Variants in CHD8 observed in about 807,000 individuals in gnomAD.
CHD8 encodes the protein chromodomain helicase DNA binding protein 8, also known as ATP-dependent chromatin remodeler CHD8.
A neutral mutation model predicts 279.2 loss-of-function variants in CHD8; 31 were observed. The observed-to-expected ratio is 0.11, with a 90% CI of 0.08 to 0.15. The LOEUF (loss-of-function observed/expected upper bound fraction) is 0.15, where lower values mean the gene tolerates loss of function less well. Ranked by LOEUF, CHD8 falls within the 10% of genes least tolerant of loss-of-function variation. CHD8 has a pLI of 1.00. For synonymous variants in CHD8, 1,081 were observed against 1,139.6 expected (o/e 0.95, Z 1.04); for missense variants, 2,146 against 3,230.5 (o/e 0.66, Z 8.14).
intron 5 of CHD8, among the ~76,000 whole-genome samples, chr14:21,424,753 G>A (rs1889230878): frequency 6.6e-6 from 1 of 152,192 alleles, no homozygotes; most frequent in Non-Finnish European, 1.5e-5. Context: ...TTACAGGCGG[G>A]AGCTACCGCG....
chr14:21,390,229 A>G (rs547226987), intron 37 of CHD8, among the ~76,000 whole-genome samples: 71 of 152,190 alleles, frequency 4.7e-4, no homozygotes, highest in Non-Finnish European at 8.8e-4. Flanking sequence ...GAGTGAGACC[A>G]TGTCTCAAAA....
At position 21,400,903 on chromosome 14, in the gene CHD8, G is replaced by A. The variant is rs759526072; in HGVS notation, c.4342C>T (p.Arg1448Trp). 3.7e-6 allele frequency: 6 copies of A among 1,612,582 alleles called. No homozygotes were observed. The highest frequency in any genetic ancestry group is 5.1e-6 in the Non-Finnish European group (6 of 1,179,332). The change falls in exon 22 of 38, where the codon CGG (arginine) becomes TGG (tryptophan). Residue 1448 changes from arginine (R) to tryptophan (W), a missense_variant. Coordinates refer to ENST00000646647, the MANE Select transcript of CHD8 (RefSeq NM_001170629.2). This position sits in a 1 kb window ranked among gnomAD's most constrained non-coding sequence, Gnocchi z 4.2. The part of the protein sequence containing the change: ...HHAYGRTDCF[R>W]VEKHLLVYGW... Reference sequence around the variant, plus strand: ...TATACCAGGAGATGCTTTTCCACCCGAAAGCAGTCAGTGCGCCCATAGGCA... The same window carrying A: ...TATACCAGGAGATGCTTTTCCACCCAAAAGCAGTCAGTGCGCCCATAGGCA...
rs367717613 is a variant in CHD8 at position 21,398,340 on chromosome 14, C to T, written c.4922-388G>A. Reference sequence around the variant, plus strand: ...CTGCAAGCTCTGCCTTCCAGGTTCACGCCATTCTCCTGCCTCAGCCTCCTG... The same window carrying T: ...CTGCAAGCTCTGCCTTCCAGGTTCATGCCATTCTCCTGCCTCAGCCTCCTG... On this transcript the variant is annotated intron_variant, in intron 26 of 37. Transcript: ENST00000646647. 1.6e-3 allele frequency: 250 copies of T among 153,130 alleles called. 9 individuals carry two copies. In the South Asian group the frequency reaches 0.046, roughly 28 times the overall value. The allele number at this position is 153,130 out of a possible 1,614,324, so 9.5% of individuals were successfully genotyped here.
In CHD8 at chr14:21,408,655, A is replaced by C. The variant is rs370058933; in HGVS notation, c.2486+49T>G. The C allele has an allele frequency of 5.7e-6, 9 of 1,578,206 alleles. No individual in the cohort carries two copies. The highest frequency in any genetic ancestry group is 6.9e-6 in the Non-Finnish European group (8 of 1,163,574). On this transcript the variant is annotated intron_variant, in intron 12 of 37. Transcript: ENST00000646647. The surrounding 1 kb of genome is among the most constrained non-coding windows in gnomAD (Gnocchi z 4.3). The stretch of plus-strand genomic sequence containing the variant: ...ATTGTTTCAATAGAAAACAAATAAA[A>C]ATAATCCCAGAACTAAGCTTACATC...
rs1887858916 is a variant in CHD8 at position 21,397,912 on chromosome 14, T to C, written c.4962A>G (p.Leu1654=). The change falls in exon 27 of 38, where the codon TTA becomes TTG. Residue 1654 remains leucine, a synonymous_variant. Transcript: ENST00000646647. ...KYNTMRADPA[L]CFLEKAGRPD... is the part of the protein sequence containing the mutation. ...GTCGGCCAGCCTTTTCTAGGAAACA[T>C]AAGGCTGGGTCTGCCCTCATGGTAT... 1.2e-6 allele frequency: 2 copies of C among 1,611,436 alleles called. No individual in the cohort carries two copies. The highest frequency in any genetic ancestry group is 1.7e-6 in the Non-Finnish European group (2 of 1,178,556).
In CHD8 at chr14:21,415,709, T is replaced by C; in HGVS notation, c.1899+16A>G. ...AGCAAGGCAATCCTCTGAAATCATT[T>C]GAGTTTACAGCTTACCACAAAGAAC... On this transcript the variant is annotated intron_variant, in intron 6 of 37. Transcript: ENST00000646647. 1.2e-6 allele frequency: 2 copies of C among 1,613,226 alleles called. No individual in the cohort carries two copies. The highest frequency in any genetic ancestry group is 1.7e-6 in the Non-Finnish European group (2 of 1,179,456).
At position 21,400,358 on chromosome 14, in the gene CHD8, T is replaced by C. The variant is rs773697396; in HGVS notation, c.4571-51A>G. On this transcript the variant is annotated intron_variant, in intron 23 of 37. Coordinates refer to ENST00000646647, the MANE Select transcript of CHD8 (RefSeq NM_001170629.2). The surrounding 1 kb of genome is among the most constrained non-coding windows in gnomAD (Gnocchi z 4.2). ...TTGGATTGAGAAAAACCCTTGGACC[T>C]GAAAAGGATTAGATTAACCTATAGA... is the stretch of plus-strand genomic sequence containing the variant. 1 of 1,608,350 alleles carries C rather than the reference T, an allele frequency of 6.2e-7. No homozygotes were observed. The highest frequency in any genetic ancestry group is 1.3e-5 in the African/African-American group (1 of 74,472).
At position 21,400,338 on chromosome 14, in the gene CHD8, T is replaced by C. The variant is rs2061436157; in HGVS notation, c.4571-31A>G. 7 of 1,612,078 alleles carry C rather than the reference T, an allele frequency of 4.3e-6. No homozygotes were observed. Among genetic ancestry groups the C allele is most frequent in the South Asian group, 3.3e-5 (3 of 90,776 alleles). On this transcript the variant is annotated intron_variant, in intron 23 of 37. Coordinates refer to ENST00000646647, the MANE Select transcript of CHD8 (RefSeq NM_001170629.2). This position sits in a 1 kb window ranked among gnomAD's most constrained non-coding sequence, Gnocchi z 4.2. ...AAAGGGGAGACATCAAAGACTTGGATTGAGAAAAACCCTTGGACCTGAAAA... is the reference window on the plus strand; with the variant it reads ...AAAGGGGAGACATCAAAGACTTGGACTGAGAAAAACCCTTGGACCTGAAAA...
intron 1 of CHD8, among the ~76,000 whole-genome samples, chr14:21,453,193 A>G (rs1266425825): frequency 2.6e-5 from 4 of 151,542 alleles, no homozygotes; most frequent in African/African-American, 4.9e-5. Flanking sequence ...TACCAAAGAA[A>G]GACCACATCT....
In CHD8 at chr14:21,435,931, C is replaced by G. The variant is rs1889763668; in HGVS notation, c.-215-4073G>C. Among the ~76,000 whole-genome samples, 3 of 152,272 alleles carry G rather than the reference C, an allele frequency of 2.0e-5. No homozygotes were observed. In the South Asian group the frequency reaches 6.2e-4, roughly 32 times the overall value. On this transcript the variant is annotated intron_variant, in intron 1 of 37. Coordinates refer to ENST00000646647, the MANE Select transcript of CHD8 (RefSeq NM_001170629.2). ...CTATAGCCTCTCAAAAGGAGTTTAT[C>G]ATCATTTACTGTTTATGATGGATGA...
At chr14:21,423,080 C>T (rs1220255808) in intron 5 of CHD8, among the ~76,000 whole-genome samples, 3 of 151,966 alleles carry the variant, frequency 2.0e-5, no homozygotes, top group African/African-American at 4.8e-5. Context: ...ATTAGCTGGG[C>T]GTGGTGGCGC....
intron 1 of CHD8, among the ~76,000 whole-genome samples, chr14:21,439,846 T>G (rs1447030167): frequency 6.6e-6 from 1 of 152,250 alleles, no homozygotes; most frequent in East Asian, 1.9e-4. Context: ...AATCTGAGCC[T>G]AATATTGCTG....
At chr14:21,413,395 C>A (rs924045668) in intron 9 of CHD8, among the ~76,000 whole-genome samples, 2 of 141,296 alleles carry the variant, frequency 1.4e-5, no homozygotes, top group Admixed American at 1.4e-4. Flanking sequence ...ATACCTAAAC[C>A]TTTTTTTTTT....
intron 1 of CHD8, among the ~76,000 whole-genome samples, chr14:21,454,185 A>C (rs1182790743): frequency 6.8e-6 from 1 of 148,092 alleles, no homozygotes; most frequent in African/African-American, 2.6e-5. Flanking sequence ...AAGAAAAGAA[A>C]AGAAAAGAAA....
rs954857843 is a variant in CHD8 at position 21,392,245 on chromosome 14, T to A, written c.6771+262A>T. The A allele has an allele frequency of 7.9e-6, 6 of 757,058 alleles. No individual in the cohort carries two copies. The Middle Eastern group carries it at 1.1e-3, about 144-fold the overall frequency. 46.9% of individuals were successfully genotyped at this position (757,058 alleles called of 1,614,324 possible). A position where few individuals can be genotyped will look rare whatever the true frequency, so the allele number is the denominator to read the frequency against. ...GTCTCCGTATTAGCATGGCAACTCA[T>A]CACAGGGGCAAAATCCTGCTATTCC... On this transcript the variant is annotated intron_variant, in intron 34 of 37. Coordinates refer to ENST00000646647, the MANE Select transcript of CHD8 (RefSeq NM_001170629.2).
intron 1 of CHD8, among the ~76,000 whole-genome samples, chr14:21,444,771 T>C (rs776820801): frequency 6.6e-6 from 1 of 152,222 alleles, no homozygotes; most frequent in Non-Finnish European, 1.5e-5. Flanking sequence ...ACTTTGGTCC[T>C]AGACCTTCTT....
Position 21,414,265 on chromosome 14 carries a change from TGA to T in CHD8, c.2142+34_2142+35del, listed in dbSNP as rs985447056. 6.7e-6 allele frequency: 7 copies of T among 1,046,366 alleles called. No individual in the cohort carries two copies. In the African/African-American group the frequency reaches 1.1e-4, roughly 17 times the overall value. 64.8% of individuals were successfully genotyped at this position (1,046,366 alleles called of 1,614,324 possible). The stretch of plus-strand genomic sequence containing the variant: ...ACAACCCCAGTAATTTGTGCTTCTG[TGA>T]AAGAAATGACAGGCAATACCTATTC... On this transcript the variant is annotated intron_variant, in intron 9 of 37. Coordinates refer to ENST00000646647, the MANE Select transcript of CHD8 (RefSeq NM_001170629.2).
intron 1 of CHD8, among the ~76,000 whole-genome samples, chr14:21,444,520 C>T (rs1385470375): frequency 6.6e-6 from 1 of 152,070 alleles, no homozygotes; most frequent in Admixed American, 6.5e-5. Context: ...CCTAAGCCTG[C>T]TCTAGATGTT....
At chr14:21,409,019 C>A (rs1030583995) in intron 11 of CHD8, among the ~76,000 whole-genome samples, 194 bp from the exon 12 acceptor site, 1 of 152,138 alleles carries the variant, frequency 6.6e-6, no homozygotes, top group Non-Finnish European at 1.5e-5. Flanking sequence ...GACAACATCA[C>A]AAAACACAAC....
Sources: gnomAD v4.1 joint callset for allele counts (sites outside exome capture counted in the v4.1 genomes callset) on GRCh38, gnomAD v4.1.1 for gene constraint, Gnocchi (gnomAD v3.1) non-coding constraint, MANE v1.5 for transcripts, NCBI Gene and HGNC (gene_info 2026-07-23, HGNC 2026-07-21) for gene names.